The following TARS1 variants were observed in gnomAD, a reference collection of about 807,000 sequenced individuals.
TARS1 encodes the protein threonyl-tRNA synthetase 1, also known as threonine--tRNA ligase 1, cytoplasmic.
TARS1 carries 57 observed loss-of-function variants against 97.7 expected under a neutral mutation model. The observed-to-expected ratio is 0.58, with a 90% CI of 0.47 to 0.73. The LOEUF (loss-of-function observed/expected upper bound fraction) is 0.73, where lower values mean the gene tolerates loss of function less well. Ranked by LOEUF, TARS1 falls within the 30% of genes least tolerant of loss-of-function variation. The probability of loss-of-function intolerance (pLI) is 0.00; values close to 1 mark genes in which losing one functional copy is unlikely to be tolerated. For missense variants in TARS1, 806 were observed against 888.3 expected, an observed-to-expected ratio of 0.91 and a Z score of 1.18; for synonymous variants, 312 against 293.7, an observed-to-expected ratio of 1.06 and a Z score of -0.64.
intron 4 of TARS1, among the ~76,000 whole-genome samples, chr5:33,453,619 C>G (rs1741864890): frequency 6.6e-6 from 1 of 151,984 alleles, no homozygotes; most frequent in Admixed American, 6.5e-5. Context: ...TAAGTCTTTT[C>G]ATTACTAGAC....
At chr5:33,456,125 A>T in intron 7 of TARS1, 24 bp from the exon 8 acceptor site, 1 of 1,613,840 alleles carries the variant, frequency 6.2e-7, no homozygotes, top group African/African-American at 1.3e-5. Flanking sequence ...GTCTTTGTTA[A>T]AATTCCTTTC....
intron 3 of TARS1, among the ~76,000 whole-genome samples, chr5:33,452,073 C>T (rs1579581331): frequency 6.6e-6 from 1 of 152,104 alleles, no homozygotes; most frequent in Non-Finnish European, 1.5e-5. Flanking sequence ...CTGTTTGGTT[C>T]TTTTCTCTTG....
chr5:33,446,942 C>G (rs889577218), intron 2 of TARS1, among the ~76,000 whole-genome samples: 1 of 152,118 alleles, frequency 6.6e-6, no homozygotes, highest in Non-Finnish European at 1.5e-5. Flanking sequence ...AAGCTCTCAA[C>G]AACTGAACGA....
At chr5:33,447,396 G>C (rs758958985) in intron 2 of TARS1, among the ~76,000 whole-genome samples, 3 of 152,036 alleles carry the variant, frequency 2.0e-5, no homozygotes, top group East Asian at 1.9e-4. Flanking sequence ...ACAGGTGTGC[G>C]CCACCACACC....
At position 33,463,765 on chromosome 5, in the gene TARS1, G is replaced by A. The variant is rs1742404079; in HGVS notation, c.1848G>A (p.Leu616=). The change falls in exon 17 of 19, where the codon CTG becomes CTA. Residue 616 remains leucine (L), a synonymous_variant. Coordinates refer to ENST00000265112, the MANE Select transcript of TARS1 (RefSeq NM_152295.5). ...TTCTCTTCCAAAGGCCCTTTTGGCT[G>A]TCCCCTCGCCAGGTAATGGTAGTTC... ...ENYGGKWPFW[L]SPRQVMVVPV... 3 of 1,611,986 alleles carry A rather than the reference G, an allele frequency of 1.9e-6. No homozygotes were observed. The highest frequency in any genetic ancestry group is 2.5e-6 in the Non-Finnish European group (3 of 1,178,982).
At chr5:33,467,354 G>T (rs982070138) in intron 18 of TARS1, among the ~76,000 whole-genome samples, 2 of 152,132 alleles carry the variant, frequency 1.3e-5, no homozygotes, top group Admixed American at 1.3e-4. Flanking sequence ...TTGTTACGTT[G>T]TCTAGATTGA....
intron 4 of TARS1, among the ~76,000 whole-genome samples, chr5:33,454,438 C>G (rs1741912454): frequency 6.6e-6 from 1 of 152,158 alleles, no homozygotes. Flanking sequence ...TTTCAGTGTA[C>G]AGATGTTTGT....
At chr5:33,442,629 G>T (rs558580169) in intron 1 of TARS1, among the ~76,000 whole-genome samples, 16 of 151,898 alleles carry the variant, frequency 1.1e-4, no homozygotes, top group African/African-American at 3.9e-4. Context: ...TCCACCTCCC[G>T]GGTTCATGCC....
intron 8 of TARS1, 74 bp downstream of exon 8, chr5:33,456,301 C>A (rs1018891548): frequency 1.2e-5 from 14 of 1,196,000 alleles, no homozygotes; most frequent in African/African-American, 9.2e-5. Context: ...TCACTGATTT[C>A]TCTTTACCAT....
At position 33,441,012 on chromosome 5, in the gene TARS1, A is replaced by C. The variant is rs1579569610; in HGVS notation, c.-75A>C. On this transcript the variant is annotated 5_prime_UTR_variant, in exon 1 of 19. Coordinates refer to ENST00000265112, the MANE Select transcript of TARS1 (RefSeq NM_152295.5). ...GAGGCCAAGTCCCGGGCGCTAGCCC[A>C]CCTCCCACCCGCCTCTTGGCTCCTC... 1.3e-6 allele frequency: 2 copies of C among 1,595,170 alleles called. No homozygotes were observed. Among genetic ancestry groups the C allele is most frequent in the South Asian group, 2.2e-5 (2 of 90,304 alleles).
chr5:33,443,859 C>G (rs558878540), intron 1 of TARS1, among the ~76,000 whole-genome samples: 3 of 152,222 alleles, frequency 2.0e-5, no homozygotes, highest in Non-Finnish European at 4.4e-5. Context: ...AACAAAGGCT[C>G]TATTGAATCT....
chr5:33,454,339 G>A (rs1052508439), intron 4 of TARS1, among the ~76,000 whole-genome samples: 1 of 152,096 alleles, frequency 6.6e-6, no homozygotes, highest in African/African-American at 2.4e-5. Context: ...TGTCACTTTG[G>A]TACCTTAATA....
chr5:33,449,171 T>G (rs981371688), intron 3 of TARS1, among the ~76,000 whole-genome samples: 43 of 151,936 alleles, frequency 2.8e-4, no homozygotes, highest in African/African-American at 8.7e-4. Flanking sequence ...TCTTAAAACT[T>G]TTATTGGGGT....
At position 33,441,066 on chromosome 5, in the gene TARS1, T is replaced by A; in HGVS notation, c.-21T>A. ...TCTAGGCCGTCGCTTTCGGGTTCTC[T>A]CATCGCTTCGTCGTTCGCCAATGTT... On this transcript the variant is annotated 5_prime_UTR_variant, in exon 1 of 19. Transcript: ENST00000265112. The A allele has an allele frequency of 6.2e-7, 1 of 1,614,204 alleles. No individual in the cohort carries two copies. The highest frequency in any genetic ancestry group is 8.5e-7 in the Non-Finnish European group (1 of 1,180,036).
rs534962249 is a variant in TARS1 at position 33,452,948 on chromosome 5, C to T, written c.330-341C>T. 1.8e-3 allele frequency among the ~76,000 whole-genome samples: 266 copies of T among 148,786 alleles called. 1 individual carries two copies. The highest frequency in any genetic ancestry group is 2.5e-3 in the Non-Finnish European group (167 of 67,470). On this transcript the variant is annotated intron_variant, in intron 3 of 18. Transcript: ENST00000265112. Reference sequence around the variant, plus strand: ...CCTGCGCAACATAGCAAGACCCTGTCGCTAAAAAATTAAAAAAAAAAAAAC... The same window carrying T: ...CCTGCGCAACATAGCAAGACCCTGTTGCTAAAAAATTAAAAAAAAAAAAAC...
chr5:33,445,265 C>T, intron 1 of TARS1, 59 bp from the exon 2 acceptor site: 2 of 1,261,130 alleles, frequency 1.6e-6, no homozygotes, highest in Non-Finnish European at 2.3e-6. Flanking sequence ...CTTCCTGGGG[C>T]ATCACAGGAT....
rs1742611654 is a variant in TARS1 at position 33,467,776 on chromosome 5, C to T, written c.*68C>T. ...GCGTTTCCGTAAAATTGACTTTGTA[C>T]TCTGAAAACGTCAATTTATATTGAA... On this transcript the variant is annotated 3_prime_UTR_variant, in exon 19 of 19. Transcript: ENST00000265112. 5.9e-6 allele frequency: 9 copies of T among 1,517,126 alleles called. No homozygotes were observed. In the East Asian group the frequency reaches 1.9e-4, roughly 32 times the overall value. 94.0% of individuals were successfully genotyped at this position (1,517,126 alleles called of 1,614,324 possible).
At chr5:33,449,358 T>TAG (rs59141272) in intron 3 of TARS1, among the ~76,000 whole-genome samples, 15,315 of 145,720 alleles carry the variant, frequency 0.11, 879 homozygotes, top group African/African-American at 0.12. Flanking sequence ...TATATATATA[T>TAG]CTTAAACTGG....
intron 6 of TARS1, 68 bp from the exon 7 acceptor site, chr5:33,455,934 T>C (rs1741994087): frequency 7.3e-7 from 1 of 1,373,474 alleles, no homozygotes. Flanking sequence ...TGCTACGTTT[T>C]AGCTATAGTA....
Sources: gnomAD v4.1 joint callset for allele counts (sites outside exome capture counted in the v4.1 genomes callset) on GRCh38, gnomAD v4.1.1 for gene constraint, MANE v1.5 for transcripts, NCBI Gene and HGNC (gene_info 2026-07-23, HGNC 2026-07-21) for gene names.